Variants in TTYH2 observed in about 807,000 individuals in gnomAD.
TTYH2 encodes protein tweety homolog 2.
In TTYH2, 49 loss-of-function variants were observed where a neutral mutation model predicts 68.3. That is an observed-to-expected ratio of 0.72 (90% CI 0.57 to 0.91). TTYH2 has a LOEUF of 0.91. TTYH2 is among the 40% of genes least tolerant of loss of function. The pLI is 0.00. For synonymous variants in TTYH2, 272 were observed against 300.8 expected (o/e 0.90, Z 0.99); for missense variants, 631 against 700.4 (o/e 0.90, Z 1.12).
chr17:74,253,636 T>C (rs936234277), intron 12 of TTYH2, 119 bp from the exon 13 acceptor site: 1 of 931,232 alleles, frequency 1.1e-6, no homozygotes, highest in Non-Finnish European at 1.7e-6. Context: ...CCACTCTATC[T>C]GTGGTTTGGT....
At chr17:74,225,769 G>A (rs1472210471) in intron 2 of TTYH2, among the ~76,000 whole-genome samples, 2 of 152,170 alleles carry the variant, frequency 1.3e-5, no homozygotes, top group African/African-American at 2.4e-5. Flanking sequence ...CACCTCCATC[G>A]GCAGAAGCCA....
At chr17:74,223,167 G>A (rs991794085) in intron 2 of TTYH2, among the ~76,000 whole-genome samples, 8 of 152,058 alleles carry the variant, frequency 5.3e-5, no homozygotes, top group African/African-American at 9.7e-5. Flanking sequence ...AGAGTGCAGT[G>A]GTGCGATCAC....
chr17:74,228,781 G>A lies in TTYH2; in HGVS notation c.303-2107G>A, dbSNP rs567670969. Among the ~76,000 whole-genome samples, 75 of 152,268 alleles carry A rather than the reference G, an allele frequency of 4.9e-4. 1 individual carries two copies. Among genetic ancestry groups the A allele is most frequent in the Non-Finnish European group, 9.0e-4 (61 of 68,010 alleles). On this transcript the variant is annotated intron_variant, in intron 2 of 13. Transcript: ENST00000269346. ...GGACCTAAGGCATGACCCCTGCTGC[G>A]CTCAGAGCTGATGAACAACCTGGAC... is the stretch of plus-strand genomic sequence containing the variant.
At position 74,243,481 on chromosome 17, in the gene TTYH2, T is replaced by G. The variant is rs376937058; in HGVS notation, c.731+12T>G. On this transcript the variant is annotated intron_variant, in intron 5 of 13. Coordinates refer to ENST00000269346, the MANE Select transcript of TTYH2 (RefSeq NM_032646.6). ...TGTCTCCTGGCCTCGTGAGTATCCCTACCCGTGGACCTGGGACAAAGAGCT... is the reference window on the plus strand; with the variant it reads ...TGTCTCCTGGCCTCGTGAGTATCCCGACCCGTGGACCTGGGACAAAGAGCT... The G allele has an allele frequency of 1.2e-6, 2 of 1,613,186 alleles. No individual in the cohort carries two copies. Among genetic ancestry groups the G allele is most frequent in the African/African-American group, 2.7e-5 (2 of 75,042 alleles).
rs1474416276 is a variant in TTYH2 at position 74,231,008 on chromosome 17, C to T, written c.414+9C>T. On this transcript the variant is annotated intron_variant, in intron 3 of 13. Coordinates refer to ENST00000269346, the MANE Select transcript of TTYH2 (RefSeq NM_032646.6). ...CTGGGATCGATGCTCTGGTAAGGCT[C>T]CCGGGCAGCTGGCCGGGTACAGGCA... 3.7e-6 allele frequency: 6 copies of T among 1,612,884 alleles called. No individual in the cohort carries two copies. The highest frequency in any genetic ancestry group is 4.2e-6 in the Non-Finnish European group (5 of 1,179,294).
At position 74,237,462 on chromosome 17, in the gene TTYH2, A is replaced by G; in HGVS notation, c.583A>G (p.Thr195Ala). The G allele has an allele frequency of 6.2e-7, 1 of 1,613,930 alleles. No homozygotes were observed. Among genetic ancestry groups the G allele is most frequent in the Non-Finnish European group, 8.5e-7 (1 of 1,179,942 alleles). Residue 195 changes from threonine (T) to alanine (A), a missense_variant, in exon 4 of 14, where the codon ACC (threonine) becomes GCC (alanine). By Grantham distance (58) the Thr-to-Ala change is moderately conservative. Transcript: ENST00000269346. ...AGGACTGCCCGTGTGGAGGGAGGTC[A>G]CCATGGAGCTGACCAAGCTATCCGA... ...LSGLPVWREV[T>A]MELTKLSDQT... is the part of the protein sequence containing the mutation.
chr17:74,237,638 T>C, intron 4 of TTYH2, 124 bp downstream of exon 4: 1 of 872,516 alleles, frequency 1.1e-6, no homozygotes, highest in Non-Finnish European at 1.7e-6. Context: ...TTTTGTTTTG[T>C]TTTTTTAAGA....
In TTYH2 at chr17:74,249,189, A is replaced by G; in HGVS notation, c.874+109A>G. On this transcript the variant is annotated intron_variant, in intron 7 of 13. Coordinates refer to ENST00000269346, the MANE Select transcript of TTYH2 (RefSeq NM_032646.6). The stretch of plus-strand genomic sequence containing the variant: ...CCATCCAACCCCTCCTCAACCCTGA[A>G]CTTCAAGTCCAGCTCATGCTCTAGG... 11 of 1,572,336 alleles carry G rather than the reference A, an allele frequency of 7.0e-6. 1 individual carries two copies. The South Asian group carries it at 8.9e-5, about 13-fold the overall frequency.
At chr17:74,219,173 C>T (rs1375049045) in intron 1 of TTYH2, among the ~76,000 whole-genome samples, 1 of 146,522 alleles carries the variant, frequency 6.8e-6, no homozygotes, top group Admixed American at 6.8e-5. Flanking sequence ...GCCGAGATCA[C>T]GCTGCTGCAC....
intron 6 of TTYH2, among the ~76,000 whole-genome samples, chr17:74,244,598 A>T (rs546065701): frequency 2.1e-5 from 1 of 47,416 alleles, no homozygotes; most frequent in Non-Finnish European, 4.0e-5. Context: ...AAAATGGCTT[A>T]AAAAAAAAAA....
At position 74,249,117 on chromosome 17, in the gene TTYH2, T is replaced by C. The variant is rs141868650; in HGVS notation, c.874+37T>C. The C allele has an allele frequency of 1.9e-3, 3,021 of 1,612,786 alleles. 2 individuals are homozygous for C. Among genetic ancestry groups the C allele is most frequent in the Non-Finnish European group, 2.4e-3 (2,818 of 1,179,552 alleles). On this transcript the variant is annotated intron_variant, in intron 7 of 13. Coordinates refer to ENST00000269346, the MANE Select transcript of TTYH2 (RefSeq NM_032646.6). ...CTCTCAGGCTGCTGCTGTGGATGCA[T>C]AGGTGGCCGGACTCTGTGCCCCTAC... is the stretch of plus-strand genomic sequence containing the variant.
chr17:74,250,231 C>T (rs2050606855), intron 9 of TTYH2, 34 bp from the exon 10 acceptor site: 10 of 1,563,318 alleles, frequency 6.4e-6, no homozygotes, highest in East Asian at 2.3e-5. Flanking sequence ...TCCTCCACAG[C>T]CCCTCGGCCT....
Position 74,241,639 on chromosome 17 carries a change from C to T in TTYH2, c.636-1735C>T, listed in dbSNP as rs796492862. ...CCAGCTCCAGGGCACTCCCTGCCCA[C>T]GCTCCAAACTCCGTCTTCCCCTTTA... On this transcript the variant is annotated intron_variant, in intron 4 of 13. Coordinates refer to ENST00000269346, the MANE Select transcript of TTYH2 (RefSeq NM_032646.6). This position sits in a 1 kb window ranked among gnomAD's most constrained non-coding sequence, Gnocchi z 4.1. Among the ~76,000 whole-genome samples the T allele has an allele frequency of 1.3e-4, 20 of 152,346 alleles. No homozygotes were observed. Among genetic ancestry groups the T allele is most frequent in the Admixed American group, 5.9e-4 (9 of 15,308 alleles).
At chr17:74,251,292 G>C (rs2050624094) in intron 10 of TTYH2, among the ~76,000 whole-genome samples, 1 of 149,396 alleles carries the variant, frequency 6.7e-6, no homozygotes, top group Non-Finnish European at 1.5e-5. Flanking sequence ...TGATGTGTGT[G>C]GTGTGTGTGC....
intron 8 of TTYH2, 42 bp from the exon 9 acceptor site, chr17:74,249,882 TGGGGCTCCTGGG>T (rs1337332614): frequency 4.3e-6 from 6 of 1,409,822 alleles, no homozygotes; most frequent in African/African-American, 2.8e-5. Flanking sequence ...AGCCTCACTG[TGGGGCTCCTGGG>T]AGACGGAGCC....
intron 13 of TTYH2, among the ~76,000 whole-genome samples, chr17:74,254,998 C>T (rs1313437168): frequency 1.3e-5 from 2 of 152,086 alleles, no homozygotes; most frequent in South Asian, 2.1e-4. Context: ...AGCCAGAGTA[C>T]CTGAGATACA....
In TTYH2 at chr17:74,222,942, T is replaced by C. The variant is rs1598214469; in HGVS notation, c.302+285T>C. Among the ~76,000 whole-genome samples, 1 of 152,108 alleles carries C rather than the reference T, an allele frequency of 6.6e-6. No homozygotes were observed. The highest frequency in any genetic ancestry group is 1.5e-5 in the Non-Finnish European group (1 of 68,022). On this transcript the variant is annotated intron_variant, in intron 2 of 13. Coordinates refer to ENST00000269346, the MANE Select transcript of TTYH2 (RefSeq NM_032646.6). The surrounding 1 kb of genome is among the most constrained non-coding windows in gnomAD (Gnocchi z 5.2). ...GCAGGCAGCATTTCTGCACCGACAC[T>C]GGGCATCTCCAGTCTCTGTCCCTGG...
intron 1 of TTYH2, among the ~76,000 whole-genome samples, chr17:74,219,810 T>C (rs541676540): frequency 1.3e-5 from 2 of 152,316 alleles, no homozygotes; most frequent in East Asian, 3.9e-4. Context: ...ATCTTTTCTC[T>C]TGTTGGTGGA....
In TTYH2 at chr17:74,240,438, C is replaced by CAA. The variant is rs762865595; in HGVS notation, c.636-2922_636-2921dup. 1.3e-3 allele frequency among the ~76,000 whole-genome samples: 158 copies of CAA among 117,880 alleles called. No individual in the cohort carries two copies. In the Middle Eastern group the frequency reaches 0.023, roughly 17 times the overall value. 77.3% of individuals were successfully genotyped at this position (117,880 alleles called of 152,430 possible). On this transcript the variant is annotated intron_variant, in intron 4 of 13. Coordinates refer to ENST00000269346, the MANE Select transcript of TTYH2 (RefSeq NM_032646.6). ...AGGGCAATAGAGTGAGACTCTGTCT[C>CAA]AAAAAAAAAAAAAAAGCAGAGGTCT... is the stretch of plus-strand genomic sequence containing the variant.
Sources: gnomAD v4.1 joint callset for allele counts (sites outside exome capture counted in the v4.1 genomes callset) on GRCh38, gnomAD v4.1.1 for gene constraint, Gnocchi (gnomAD v3.1) non-coding constraint, MANE v1.5 for transcripts, NCBI Gene and HGNC (gene_info 2026-07-23, HGNC 2026-07-21) for gene names.